The following FHIT variants were observed in gnomAD, a reference collection of about 807,000 sequenced individuals.
The protein encoded by FHIT is bis(5'-adenosyl)-triphosphatase.
In FHIT, 19 loss-of-function variants were observed where a neutral mutation model predicts 17.9. The ratio of observed to expected loss-of-function variants is 1.06; its 90% CI spans 0.74 to 1.56. FHIT has a LOEUF of 1.56. Ranked by LOEUF, FHIT falls within the 40% of genes most tolerant of loss-of-function variation. The pLI, the probability that FHIT is intolerant of heterozygous loss-of-function variation, is 0.00. For synonymous variants in FHIT, 81 were observed against 69.7 expected (o/e 1.16, Z -0.81); for missense variants, 248 against 189.2 (o/e 1.31, Z -1.82).
intron 3 of FHIT, among the ~76,000 whole-genome samples, chr3:61,034,890 A>G (rs929831603): frequency 1.3e-5 from 2 of 152,320 alleles, no homozygotes; most frequent in Middle Eastern, 3.4e-3. Context: ...CCACTTGTCC[A>G]TCAACACCCA....
chr3:59,942,657 T>C (rs1706582813), intron 7 of FHIT, among the ~76,000 whole-genome samples: 2 of 152,152 alleles, frequency 1.3e-5, no homozygotes, highest in African/African-American at 2.4e-5. Flanking sequence ...AGTTCTTTTT[T>C]TATTTTTTAG....
At chr3:60,007,419 T>C (rs1699967854) in intron 7 of FHIT, among the ~76,000 whole-genome samples, 1 of 152,194 alleles carries the variant, frequency 6.6e-6, no homozygotes, top group Admixed American at 6.6e-5. Context: ...CATATCGTCT[T>C]CTACTTCATG....
chr3:60,536,637 C>G (rs966847051), intron 5 of FHIT: 2 of 431,888 alleles, frequency 4.6e-6, no homozygotes, highest in Non-Finnish European at 7.9e-6. Flanking sequence ...CAACTCTCCT[C>G]AGAAGTTCTG....
intron 8 of FHIT, among the ~76,000 whole-genome samples, chr3:59,765,121 GTTATAACTTCATGA>G (rs1479436620): frequency 6.6e-6 from 1 of 152,056 alleles, no homozygotes; most frequent in Non-Finnish European, 1.5e-5. Context: ...ATTATAGAGA[GTTATAACTTCATGA>G]ATGAAAAACC....
At chr3:60,231,212 T>C (rs1018945006) in intron 5 of FHIT, among the ~76,000 whole-genome samples, 3 of 152,204 alleles carry the variant, frequency 2.0e-5, no homozygotes, top group African/African-American at 7.2e-5. Flanking sequence ...TGCAGATATA[T>C]ATGTGTGTAT....
chr3:60,837,353 T>C (rs946686161), intron 3 of FHIT, among the ~76,000 whole-genome samples: 2 of 152,172 alleles, frequency 1.3e-5, no homozygotes, highest in East Asian at 3.8e-4. Context: ...TGGTAATTTG[T>C]GTCTTTTCTC....
intron 4 of FHIT, among the ~76,000 whole-genome samples, chr3:60,655,012 C>A (rs188068984): frequency 0.023 from 3,449 of 152,062 alleles, 56 homozygotes; most frequent in South Asian, 0.054. Context: ...GGTATAAATA[C>A]AATTTAGAAG....
At chr3:60,218,831 G>A (rs948407501) in intron 5 of FHIT, among the ~76,000 whole-genome samples, 1 of 151,918 alleles carries the variant, frequency 6.6e-6, no homozygotes, top group Middle Eastern at 3.4e-3. Context: ...TTGAATCCAG[G>A]GTCTGAGCTC....
At chr3:59,861,224 C>A (rs1702390600) in intron 8 of FHIT, among the ~76,000 whole-genome samples, 1 of 152,082 alleles carries the variant, frequency 6.6e-6, no homozygotes, top group Non-Finnish European at 1.5e-5. Flanking sequence ...CATTCCATGG[C>A]AAACATGGAC....
At chr3:60,461,592 C>T (rs1484294728) in intron 5 of FHIT, among the ~76,000 whole-genome samples, 1 of 152,140 alleles carries the variant, frequency 6.6e-6, no homozygotes, top group African/African-American at 2.4e-5. Context: ...CGCAGCTGTC[C>T]CTGACATCAC....
chr3:60,390,418 A>ACC (rs1559876193), intron 5 of FHIT, among the ~76,000 whole-genome samples: 3 of 130,790 alleles, frequency 2.3e-5, no homozygotes, highest in African/African-American at 8.3e-5. Flanking sequence ...AAAAAAAAAA[A>ACC]AAAAAAAAAA....
chr3:60,924,552 A>G (rs1439944569), intron 3 of FHIT, among the ~76,000 whole-genome samples: 19 of 152,174 alleles, frequency 1.2e-4, no homozygotes, highest in Admixed American at 1.2e-3. Flanking sequence ...CCAAAACCCC[A>G]TCTGTACGTC....
At chr3:60,676,941 C>T (rs1403070206) in intron 4 of FHIT, among the ~76,000 whole-genome samples, 1 of 152,166 alleles carries the variant, frequency 6.6e-6, no homozygotes, top group African/African-American at 2.4e-5. Flanking sequence ...GTGGCGCCAT[C>T]TTGGCTCACT....
chr3:60,761,898 T>G (rs782784170), intron 4 of FHIT, among the ~76,000 whole-genome samples: 3 of 151,878 alleles, frequency 2.0e-5, no homozygotes, highest in Non-Finnish European at 2.9e-5. Context: ...AATGAAAAGT[T>G]TCTCTACTTA....
intron 2 of FHIT, among the ~76,000 whole-genome samples, chr3:61,134,044 G>C (rs1000913691): frequency 6.6e-6 from 1 of 151,420 alleles, no homozygotes; most frequent in South Asian, 2.1e-4. Flanking sequence ...AGCTGAGATC[G>C]CGCCACTGCA....
intron 5 of FHIT, among the ~76,000 whole-genome samples, chr3:60,497,897 G>T (rs1312056384): frequency 6.6e-6 from 1 of 152,136 alleles, no homozygotes; most frequent in Non-Finnish European, 1.5e-5. Flanking sequence ...AGATCAACCA[G>T]TGCATAATTT....
chr3:60,701,952 G>A (rs1213570969), intron 4 of FHIT, among the ~76,000 whole-genome samples: 4 of 152,174 alleles, frequency 2.6e-5, no homozygotes, highest in African/African-American at 9.7e-5. Flanking sequence ...GAATCAGTAA[G>A]GTCAGATCTC....
chr3:60,120,039 G>C (rs138835181), intron 5 of FHIT, among the ~76,000 whole-genome samples: 4 of 152,074 alleles, frequency 2.6e-5, no homozygotes, highest in Non-Finnish European at 4.4e-5. Context: ...TGAAGCTTAC[G>C]GCACTGTTAC....
In FHIT at chr3:60,121,079, A is replaced by C. The variant is rs1363878546; in HGVS notation, c.104-106927T>G. 8.5e-5 allele frequency among the ~76,000 whole-genome samples: 13 copies of C among 152,262 alleles called. No individual in the cohort carries two copies. In the South Asian group the frequency reaches 1.0e-3, roughly 12 times the overall value. ...GAAATCTTCTTGTGATTTCATTTAAAAAACTTTTTTTAAATCATTGATCAT... is the reference window on the plus strand; with the variant it reads ...GAAATCTTCTTGTGATTTCATTTAACAAACTTTTTTTAAATCATTGATCAT... On this transcript the variant is annotated intron_variant, in intron 5 of 9. Transcript: ENST00000492590.
Sources: allele counts gnomAD v4.1 joint callset (sites outside exome capture counted in the v4.1 genomes callset), GRCh38; gene constraint gnomAD v4.1.1; transcripts MANE v1.5; gene names NCBI Gene and HGNC (gene_info 2026-07-23, HGNC 2026-07-21).